The following ARHGAP6 variants were observed in gnomAD, a reference collection of about 807,000 sequenced individuals.
The protein encoded by ARHGAP6 is rho GTPase-activating protein 6.
Under a neutral mutation model 55.7 loss-of-function variants are expected in ARHGAP6, and 16 were observed. The ratio of observed to expected loss-of-function variants is 0.29; its 90% CI spans 0.19 to 0.44. ARHGAP6 has a LOEUF of 0.44. Among genes scored for constraint, ARHGAP6 ranks in the 20% least tolerant of loss-of-function variants. ARHGAP6 has a pLI of 1.00. For synonymous variants in ARHGAP6, 382 were observed against 360.9 expected (o/e 1.06, Z -0.66); for missense variants, 698 against 808.9 (o/e 0.86, Z 1.66).
At chrX:11,427,280 C>G (rs747816104) in intron 1 of ARHGAP6, among the ~76,000 whole-genome samples, 1 of 112,383 alleles carries the variant, frequency 8.9e-6, no homozygotes, top group South Asian at 3.7e-4. Context: ...GTGGCGGAGT[C>G]CAGCCCCGTC....
intron 1 of ARHGAP6, among the ~76,000 whole-genome samples, chrX:11,398,291 T>C (rs868269045): frequency 1.0e-5 from 1 of 100,223 alleles, no homozygotes; most frequent in African/African-American, 3.6e-5. Flanking sequence ...AAAGAAACCG[T>C]GGGAGTATCT....
chrX:11,152,559 C>T lies in ARHGAP6; in HGVS notation c.1907+3970G>A, dbSNP rs145472828. On this transcript the variant is annotated intron_variant, in intron 10 of 12. Transcript: ENST00000337414. ...TGTCCAGGTCCTGGTGCAAGCTCCC[C>T]AAATATCCAGGCTTGTTTATATCCT... 1.1e-4 allele frequency among the ~76,000 whole-genome samples: 12 copies of T among 111,580 alleles called. No homozygotes were observed. The East Asian group carries it at 3.4e-3, about 32-fold the overall frequency.
In ARHGAP6 at chrX:11,444,481, A is replaced by G. The variant is rs2050072363; in HGVS notation, c.589-189774T>C. Among the ~76,000 whole-genome samples, 3 of 112,297 alleles carry G rather than the reference A, an allele frequency of 2.7e-5. No homozygotes were observed. The South Asian group carries it at 1.1e-3, about 42-fold the overall frequency. On this transcript the variant is annotated intron_variant, in intron 1 of 12. Transcript: ENST00000337414. ...GCTGAAAAAACTATCGATATTGGAG[A>G]GCAAGTGTTAGGTTGAGGGCTTCAG... is the stretch of plus-strand genomic sequence containing the variant.
At chrX:11,631,519 T>C (rs1329081521) in intron 1 of ARHGAP6, among the ~76,000 whole-genome samples, 3 of 106,343 alleles carry the variant, frequency 2.8e-5, no homozygotes, top group Admixed American at 1.0e-4. Context: ...AGAGCAAAAC[T>C]CCGTCTAAAA....
At position 11,590,844 on chromosome X, in the gene ARHGAP6, AAGAAAAGAAAAGAAAAGAAAAGAAG is replaced by A. The variant is rs1348450655; in HGVS notation, c.588+73372_588+73396del. Among the ~76,000 whole-genome samples, 5 of 54,000 alleles carry A rather than the reference AAGAAAAGAAAAGAAAAGAAAAGAAG, an allele frequency of 9.3e-5. No individual in the cohort carries two copies. The East Asian group carries it at 2.7e-3, about 29-fold the overall frequency. The allele number at this position is 54,000 out of a possible 115,157, so 46.9% of individuals were successfully genotyped here. ...AAGAAAAGAAAAGAAAAGAAAAGAA[AAGAAAAGAAAAGAAAAGAAAAGAAG>A]GAAAGAAAGAAAGAAAGAAAGAAAG... On this transcript the variant is annotated intron_variant, in intron 1 of 12. Coordinates refer to ENST00000337414, the MANE Select transcript of ARHGAP6 (RefSeq NM_013427.3).
At chrX:11,342,998 A>C (rs1471917673) in intron 1 of ARHGAP6, among the ~76,000 whole-genome samples, 7 of 112,253 alleles carry the variant, frequency 6.2e-5, no homozygotes, top group Non-Finnish European at 1.9e-5. Flanking sequence ...TTATTTAGCC[A>C]CTTCTGCCAA....
At chrX:11,280,769 A>AATTTTTTT (rs1038972348) in intron 1 of ARHGAP6, among the ~76,000 whole-genome samples, 4 of 109,651 alleles carry the variant, frequency 3.6e-5, no homozygotes, top group African/African-American at 1.3e-4. Context: ...AAAAAAATCA[A>AATTTTTTT]AATTTTTTTC....
At chrX:11,439,354 G>A (rs1259363826) in intron 1 of ARHGAP6, among the ~76,000 whole-genome samples, 1 of 112,017 alleles carries the variant, frequency 8.9e-6, no homozygotes, top group Non-Finnish European at 1.9e-5. Context: ...AAGTCTTCTT[G>A]GAACATAGTC....
intron 1 of ARHGAP6, among the ~76,000 whole-genome samples, chrX:11,301,164 T>C (rs1019838695): frequency 8.1e-5 from 6 of 73,937 alleles, no homozygotes; most frequent in African/African-American, 3.1e-4. Context: ...CAAAATCTGG[T>C]CTTTTGATCT....
intron 1 of ARHGAP6, among the ~76,000 whole-genome samples, chrX:11,517,537 A>G (rs939100803): frequency 1.8e-5 from 2 of 111,485 alleles, no homozygotes; most frequent in African/African-American, 6.5e-5. Flanking sequence ...TATTAAGAGA[A>G]TGTTAAAATG....
chrX:11,183,783 C>CTA (rs778435059), intron 5 of ARHGAP6, among the ~76,000 whole-genome samples: 1 of 111,979 alleles, frequency 8.9e-6, no homozygotes, highest in East Asian at 2.8e-4. Context: ...TAGAGCCAGA[C>CTA]ATTACTCTGA....
chrX:11,511,835 T>C (rs2050787347), intron 1 of ARHGAP6, among the ~76,000 whole-genome samples: 1 of 108,221 alleles, frequency 9.2e-6, no homozygotes, highest in Non-Finnish European at 1.9e-5. Flanking sequence ...AAAATTATGA[T>C]TTTTTTTTTG....
In ARHGAP6 at chrX:11,156,624, A is replaced by G. The variant is rs768584761; in HGVS notation, c.1812T>C (p.Val604=). ...MIENYEALFM[V]PPDLQNEVLI... is the part of the protein sequence containing the mutation. Reference sequence around the variant, plus strand: ...GCACTTCGTTCTGGAGATCTGGGGGAACCTGAAGGAGCCAAATGTTGAGGC... The same window carrying G: ...GCACTTCGTTCTGGAGATCTGGGGGGACCTGAAGGAGCCAAATGTTGAGGC... Residue 604 remains valine (V), a splice_region_variant and synonymous_variant, in exon 10 of 13, where the codon GTT becomes GTC. Coordinates refer to ENST00000337414, the MANE Select transcript of ARHGAP6 (RefSeq NM_013427.3). 1 of 1,203,068 alleles carries G rather than the reference A, an allele frequency of 8.3e-7. No individual in the cohort carries two copies. Among genetic ancestry groups the G allele is most frequent in the Non-Finnish European group, 1.1e-6 (1 of 888,660 alleles).
intron 1 of ARHGAP6, among the ~76,000 whole-genome samples, chrX:11,353,134 C>T (rs2048883257): frequency 9.0e-6 from 1 of 111,716 alleles, no homozygotes; most frequent in Non-Finnish European, 1.9e-5. Context: ...AAAACAACAT[C>T]CTTTGCACTA....
At chrX:11,520,129 TTTTATATATATATATATATATATATA>T (rs1157016797) in intron 1 of ARHGAP6, among the ~76,000 whole-genome samples, 20 of 34,695 alleles carry the variant, frequency 5.8e-4, no homozygotes, top group African/African-American at 2.0e-3. Context: ...AGAGAATTGA[TTTTATATATATATATATATATATATA>T]TATATATATA....
intron 1 of ARHGAP6, among the ~76,000 whole-genome samples, chrX:11,521,730 T>A (rs2050929914): frequency 9.0e-6 from 1 of 110,986 alleles, no homozygotes; most frequent in South Asian, 3.8e-4. Context: ...TGGCACTGTA[T>A]CTATAAATTA....
intron 1 of ARHGAP6, among the ~76,000 whole-genome samples, chrX:11,358,125 T>A (rs371374708): frequency 5.3e-5 from 6 of 112,220 alleles, no homozygotes; most frequent in African/African-American, 1.9e-4. Context: ...TTCATATATA[T>A]CCAGTCATAC....
At chrX:11,400,696 A>G (rs1381783531) in intron 1 of ARHGAP6, among the ~76,000 whole-genome samples, 3 of 111,347 alleles carry the variant, frequency 2.7e-5, no homozygotes, top group East Asian at 5.7e-4. Flanking sequence ...TAGATATCCT[A>G]TCTTTCATCC....
chrX:11,446,438 C>G (rs1295943103), intron 1 of ARHGAP6, among the ~76,000 whole-genome samples: 1 of 112,041 alleles, frequency 8.9e-6, no homozygotes, highest in Non-Finnish European at 1.9e-5. Context: ...ATGTAAGGAA[C>G]TGTGTTTTTT....
Sources: allele counts gnomAD v4.1 joint callset (sites outside exome capture counted in the v4.1 genomes callset), GRCh38; gene constraint gnomAD v4.1.1; transcripts MANE v1.5; gene names NCBI Gene and HGNC (gene_info 2026-07-23, HGNC 2026-07-21).